The following PTPN4 variants were observed in gnomAD, a reference collection of about 807,000 sequenced individuals.
The protein encoded by PTPN4 is tyrosine-protein phosphatase non-receptor type 4.
In PTPN4, 49 loss-of-function variants were observed where a neutral mutation model predicts 135.5. That is an observed-to-expected ratio of 0.36 (90% confidence interval 0.29 to 0.46). The LOEUF is 0.46. Ranked by LOEUF, PTPN4 falls within the 20% of genes least tolerant of loss-of-function variation. The pLI is 1.00. For missense variants in PTPN4, 860 were observed against 1,101.0 expected, an observed-to-expected ratio of 0.78 and a Z score of 3.10; for synonymous variants, 333 against 369.9, an observed-to-expected ratio of 0.90 and a Z score of 1.14.
intron 2 of PTPN4, among the ~76,000 whole-genome samples, chr2:119,854,225 A>C (rs1371541153): frequency 2.0e-5 from 3 of 152,150 alleles, no homozygotes; most frequent in African/African-American, 7.2e-5. Context: ...GACACTTGGC[A>C]CACATGGTGA....
intron 1 of PTPN4, among the ~76,000 whole-genome samples, chr2:119,770,983 G>A (rs1027876893): frequency 1.3e-5 from 2 of 151,740 alleles, no homozygotes; most frequent in Admixed American, 6.6e-5. Context: ...GGGTTCAAGC[G>A]ATTCTCCTGC....
intron 3 of PTPN4, among the ~76,000 whole-genome samples, chr2:119,864,094 G>C (rs960960188): frequency 1.2e-4 from 18 of 152,224 alleles, no homozygotes; most frequent in African/African-American, 4.1e-4. Context: ...AGAATAAAGA[G>C]GATCACTCAG....
Position 119,964,534 on chromosome 2 carries a change from C to CA in PTPN4, c.2410-957dup, listed in dbSNP as rs568603060. ...GTGAGGATTAGGTCAGCTTTGTTCA[C>CA]AAAAAATGTTTTTTACTTTACCATT... is the stretch of plus-strand genomic sequence containing the variant. On this transcript the variant is annotated intron_variant, in intron 24 of 26. Coordinates refer to ENST00000263708, the MANE Select transcript of PTPN4 (RefSeq NM_002830.4). 1.3e-3 allele frequency among the ~76,000 whole-genome samples: 204 copies of CA among 152,238 alleles called. 4 individuals are homozygous for CA. In the South Asian group the frequency reaches 0.013, roughly 10 times the overall value.
chr2:119,962,016 T>C (rs1225280792), intron 23 of PTPN4, among the ~76,000 whole-genome samples: 2 of 152,212 alleles, frequency 1.3e-5, no homozygotes, highest in Admixed American at 6.5e-5. Context: ...TGAAAACTAT[T>C]GTATACATTA....
chr2:119,957,813 G>A (rs1041869672), intron 22 of PTPN4, among the ~76,000 whole-genome samples: 3 of 151,806 alleles, frequency 2.0e-5, no homozygotes, highest in South Asian at 2.1e-4. Context: ...ATATCATATC[G>A]TTCATCTATA....
intron 2 of PTPN4, among the ~76,000 whole-genome samples, chr2:119,820,929 G>A (rs1475688797): frequency 2.0e-5 from 3 of 150,996 alleles, no homozygotes; most frequent in Non-Finnish European, 4.4e-5. Context: ...ATGTATACAC[G>A]TATACATGTA....
chr2:119,783,942 G>C (rs1690994357), intron 1 of PTPN4, among the ~76,000 whole-genome samples: 1 of 152,146 alleles, frequency 6.6e-6, no homozygotes, highest in South Asian at 2.1e-4. Flanking sequence ...AACACTTGGA[G>C]GTGGGGGATC....
At chr2:119,850,667 TGAGATTGAGTA>T (rs1677578309) in intron 2 of PTPN4, among the ~76,000 whole-genome samples, 1 of 152,234 alleles carries the variant, frequency 6.6e-6, no homozygotes, top group South Asian at 2.1e-4. Flanking sequence ...CTGATTTTAC[TGAGATTGAGTA>T]GACTTTGTGG....
chr2:119,867,977 C>T (rs933731431), intron 3 of PTPN4, among the ~76,000 whole-genome samples: 3 of 152,118 alleles, frequency 2.0e-5, no homozygotes, highest in African/African-American at 4.8e-5. Context: ...AAGTGATAGG[C>T]GCAGACTACC....
chr2:119,942,331 T>C (rs1374873327), intron 15 of PTPN4, among the ~76,000 whole-genome samples: 1 of 152,158 alleles, frequency 6.6e-6, no homozygotes, highest in Non-Finnish European at 1.5e-5. Flanking sequence ...AACTGAGTAT[T>C]GCCACCGATA....
intron 2 of PTPN4, among the ~76,000 whole-genome samples, chr2:119,839,251 C>T (rs1450763815): frequency 6.6e-6 from 1 of 152,166 alleles, no homozygotes; most frequent in Non-Finnish European, 1.5e-5. Flanking sequence ...AATTTGCTAT[C>T]ATAAGGTTTT....
chr2:119,905,918 A>G (rs34732057), intron 10 of PTPN4, among the ~76,000 whole-genome samples: 6,335 of 152,250 alleles, frequency 0.042, 181 homozygotes, highest in Non-Finnish European at 0.063. Context: ...AAACAAAAAC[A>G]GCAACATAAC....
At position 119,920,166 on chromosome 2, in the gene PTPN4, G is replaced by A. The variant is rs147821849; in HGVS notation, c.926G>A (p.Arg309His). Residue 309 changes from arginine to histidine, a missense_variant, in exon 12 of 27, where the codon CGT (arginine) becomes CAT (histidine). This residue lies in a region of PTPN4 where 684 missense variants were observed against 807.0 expected (regional missense o/e 0.85). Coordinates refer to ENST00000263708, the MANE Select transcript of PTPN4 (RefSeq NM_002830.4). ...KACVEHHTFFRLDRPLPPQKN... is the reference protein window; with the variant it reads ...KACVEHHTFFHLDRPLPPQKN... Reference sequence around the variant, plus strand: ...TGTGTAGAACATCACACATTCTTCCGTTTGGACAGACCACTTCCACCTCAA... The same window carrying A: ...TGTGTAGAACATCACACATTCTTCCATTTGGACAGACCACTTCCACCTCAA... The A allele has an allele frequency of 4.0e-5, 65 of 1,613,278 alleles. No homozygotes were observed. The highest frequency in any genetic ancestry group is 1.7e-4 in the African/African-American group (13 of 74,884).
chr2:119,849,130 C>G (rs1353265692), intron 2 of PTPN4, among the ~76,000 whole-genome samples: 2 of 152,162 alleles, frequency 1.3e-5, no homozygotes, highest in East Asian at 3.9e-4. Flanking sequence ...TAAGCATGGT[C>G]TCCTTTAGTT....
chr2:119,856,525 A>G (rs933485202), intron 2 of PTPN4, among the ~76,000 whole-genome samples: 1 of 152,176 alleles, frequency 6.6e-6, no homozygotes, highest in African/African-American at 2.4e-5. Flanking sequence ...GGTTAAAGGT[A>G]AAGCTAACAA....
At chr2:119,821,153 C>A (rs199876986) in intron 2 of PTPN4, among the ~76,000 whole-genome samples, 1 of 145,472 alleles carries the variant, frequency 6.9e-6, no homozygotes. Flanking sequence ...GGAGCAGTGG[C>A]GTGATCTCGG....
At chr2:119,779,770 C>T (rs1035415048) in intron 1 of PTPN4, among the ~76,000 whole-genome samples, 6 of 152,088 alleles carry the variant, frequency 3.9e-5, no homozygotes, top group African/African-American at 1.4e-4. Context: ...TTTTGAGACA[C>T]GGTCTCTCTT....
rs147304966 is a variant in PTPN4 at position 119,775,285 on chromosome 2, G to GTAAA, written c.-18+14904_-18+14907dup. Among the ~76,000 whole-genome samples, 549 of 152,152 alleles carry GTAAA rather than the reference G, an allele frequency of 3.6e-3. 3 individuals carry two copies. The highest frequency in any genetic ancestry group is 0.013 in the African/African-American group (527 of 41,504). ...AACCCCCGAGCCTTGATGGGATAAG[G>GTAAA]TAAATACCAGCTGCCAGTCTATTGG... On this transcript the variant is annotated intron_variant, in intron 1 of 26. Coordinates refer to ENST00000263708, the MANE Select transcript of PTPN4 (RefSeq NM_002830.4).
At chr2:119,867,510 G>A (rs954180526) in intron 3 of PTPN4, among the ~76,000 whole-genome samples, 1 of 152,110 alleles carries the variant, frequency 6.6e-6, no homozygotes, top group Non-Finnish European at 1.5e-5. Context: ...CATGCAAATA[G>A]TATTGTTGGT....
Sources: gnomAD v4.1 joint callset for allele counts (sites outside exome capture counted in the v4.1 genomes callset) on GRCh38, gnomAD v4.1.1 for gene constraint, gnomAD v4.1.1 regional missense constraint, MANE v1.5 for transcripts, NCBI Gene and HGNC (gene_info 2026-07-23, HGNC 2026-07-21) for gene names.